The following SBNO1 variants were observed in gnomAD, a reference collection of about 807,000 sequenced individuals.
The protein encoded by SBNO1 is strawberry notch homolog 1.
SBNO1 carries 23 observed loss-of-function variants against 173.6 expected under a neutral mutation model. The observed-to-expected ratio is 0.13, with a 90% confidence interval of 0.10 to 0.19. SBNO1 has a LOEUF of 0.19. SBNO1 is among the 10% of genes least tolerant of loss of function. The pLI is 1.00. For synonymous variants in SBNO1, 632 were observed against 571.5 expected, an observed-to-expected ratio of 1.11 and a Z score of -1.51; for missense variants, 1,238 against 1,671.2, an observed-to-expected ratio of 0.74 and a Z score of 4.52.
intron 1 of SBNO1, among the ~76,000 whole-genome samples, chr12:123,352,604 TC>T (rs774219443): frequency 6.6e-5 from 10 of 152,160 alleles, no homozygotes; most frequent in Non-Finnish European, 1.0e-4. Context: ...GAGCATGACT[TC>T]TAGCATGTAA....
At chr12:123,308,870 G>A (rs1460492404) in intron 28 of SBNO1, among the ~76,000 whole-genome samples, 1 of 152,068 alleles carries the variant, frequency 6.6e-6, no homozygotes, top group African/African-American at 2.4e-5. Context: ...TTGGAAGGCC[G>A]AGGCAGGCAG....
At chr12:123,300,406 C>G (rs1485559310) in intron 30 of SBNO1, among the ~76,000 whole-genome samples, 4 of 152,160 alleles carry the variant, frequency 2.6e-5, no homozygotes, top group African/African-American at 9.7e-5. Flanking sequence ...GCCTGTAATC[C>G]CAGCACTCTG....
intron 1 of SBNO1, chr12:123,363,942 T>G (rs1593436230): frequency 1.0e-6 from 1 of 985,486 alleles, no homozygotes; most frequent in Non-Finnish European, 1.2e-6. Flanking sequence ...AAACCACTTC[T>G]GGGAAACCAC....
chr12:123,360,069 G>GT (rs1209188831), intron 1 of SBNO1, among the ~76,000 whole-genome samples: 1 of 152,006 alleles, frequency 6.6e-6, no homozygotes, highest in Non-Finnish European at 1.5e-5. Context: ...ATGAAACCCT[G>GT]TATCTACTAA....
At chr12:123,361,959 T>C (rs1024000370) in intron 1 of SBNO1, among the ~76,000 whole-genome samples, 2 of 147,462 alleles carry the variant, frequency 1.4e-5, no homozygotes, top group Non-Finnish European at 3.0e-5. Context: ...GCCAATATGG[T>C]GAAACCCCGT....
intron 16 of SBNO1, among the ~76,000 whole-genome samples, chr12:123,323,310 C>T (rs916964221): frequency 1.3e-5 from 2 of 152,152 alleles, no homozygotes; most frequent in Non-Finnish European, 2.9e-5. Context: ...CTTTAAAATG[C>T]TTATGTTTTA....
chr12:123,363,281 G>A (rs560184357), intron 1 of SBNO1, among the ~76,000 whole-genome samples: 80 of 152,254 alleles, frequency 5.3e-4, no homozygotes, highest in African/African-American at 1.8e-3. Context: ...TCACCAGTAG[G>A]AAATTCTGCT....
At chr12:123,304,882 C>T (rs1002690830) in intron 28 of SBNO1, among the ~76,000 whole-genome samples, 163 bp from the exon 29 acceptor site, 1 of 152,178 alleles carries the variant, frequency 6.6e-6, no homozygotes, top group Non-Finnish European at 1.5e-5. Context: ...AAGACTAACA[C>T]AGTCACACCC....
At chr12:123,330,599 TAAAAAAAA>T (rs62719360) in intron 8 of SBNO1, 90 bp from the exon 9 acceptor site, 5 of 506,040 alleles carry the variant, frequency 9.9e-6, no homozygotes, top group African/African-American at 6.9e-5. Flanking sequence ...TCTTGACACT[TAAAAAAAA>T]AAAAAAAAAG....
chr12:123,364,462 G>A (rs1182061483), intron 1 of SBNO1: 1 of 985,356 alleles, frequency 1.0e-6, no homozygotes, highest in African/African-American at 1.7e-5. Context: ...AGCGGCGACA[G>A]CGGGGCCCGG....
chr12:123,302,756 A>G, intron 30 of SBNO1, 68 bp downstream of exon 30: 1 of 931,004 alleles, frequency 1.1e-6, no homozygotes, highest in Non-Finnish European at 1.8e-6. Flanking sequence ...ATACTGATAA[A>G]GAGTGAAGGT....
chr12:123,310,655 C>G (rs1480826958), intron 25 of SBNO1, among the ~76,000 whole-genome samples: 1 of 152,076 alleles, frequency 6.6e-6, no homozygotes, highest in East Asian at 1.9e-4. Context: ...TTGCCTTAGC[C>G]TCCCGAGTAG....
chr12:123,308,811 T>TA (rs1463944719), intron 28 of SBNO1, among the ~76,000 whole-genome samples: 16 of 150,974 alleles, frequency 1.1e-4, no homozygotes, highest in Admixed American at 2.6e-4. Context: ...CTACTAAAAA[T>TA]AAAAAAATTA....
In SBNO1 at chr12:123,295,573, C is replaced by A. The variant is rs2048578918; in HGVS notation, c.*335G>T. The A allele has an allele frequency of 4.5e-6, 1 of 222,674 alleles. No homozygotes were observed. 13.8% of individuals were successfully genotyped at this position (222,674 alleles called of 1,614,324 possible). ...TAAAGTAAAGCCAGTTTGGGAAGTT[C>A]CAAGCATTTTAAACCAACTGTGGTC... On this transcript the variant is annotated 3_prime_UTR_variant, in exon 32 of 32. Transcript: ENST00000602398.
chr12:123,303,699 C>T (rs12317452), intron 29 of SBNO1, among the ~76,000 whole-genome samples: 17,070 of 151,960 alleles, frequency 0.11, 1,094 homozygotes, highest in East Asian at 0.29. Context: ...AAAGTTGACA[C>T]TTTCCTTAAA....
At chr12:123,299,268 T>A (rs1024319784) in intron 30 of SBNO1, among the ~76,000 whole-genome samples, 5 of 151,636 alleles carry the variant, frequency 3.3e-5, no homozygotes, top group Non-Finnish European at 7.4e-5. Context: ...CTCGGGAAGC[T>A]GAGGCAGGAG....
At chr12:123,364,470 C>G (rs1436472854) in intron 1 of SBNO1, 2 of 983,944 alleles carry the variant, frequency 2.0e-6, no homozygotes, top group Middle Eastern at 5.2e-4. Context: ...CAGCGGGGCC[C>G]GGCGCTGACG....
chr12:123,324,792 A>G (rs1287550420), intron 15 of SBNO1, among the ~76,000 whole-genome samples: 1 of 152,094 alleles, frequency 6.6e-6, no homozygotes, highest in Non-Finnish European at 1.5e-5. Flanking sequence ...CAACTTTTAA[A>G]GTAGACTTTA....
intron 13 of SBNO1, among the ~76,000 whole-genome samples, chr12:123,326,899 T>A (rs1870669674): frequency 6.6e-6 from 1 of 152,074 alleles, no homozygotes. Context: ...TGTACTCCAG[T>A]CTGGGTGACA....
Sources: gnomAD v4.1 joint callset for allele counts (sites outside exome capture counted in the v4.1 genomes callset) on GRCh38, gnomAD v4.1.1 for gene constraint, MANE v1.5 for transcripts, NCBI Gene and HGNC (gene_info 2026-07-23, HGNC 2026-07-21) for gene names.